The following SNTG1 variants were observed in gnomAD, a reference collection of about 807,000 sequenced individuals.
SNTG1 encodes gamma-1-syntrophin.
Under a neutral mutation model 74.7 loss-of-function variants are expected in SNTG1, and 39 were observed. That is an observed-to-expected ratio of 0.52 (90% CI 0.40 to 0.68). SNTG1 has a LOEUF of 0.68. SNTG1 is among the 30% of genes least tolerant of loss of function. SNTG1 has a pLI of 0.00. For missense variants in SNTG1, 685 were observed against 609.5 expected (o/e 1.12, Z -1.30); for synonymous variants, 254 against 217.1 (o/e 1.17, Z -1.49).
intron 10 of SNTG1, among the ~76,000 whole-genome samples, chr8:50,535,030 T>G (rs2094297566): frequency 6.6e-6 from 1 of 152,158 alleles, no homozygotes; most frequent in Admixed American, 6.6e-5. Context: ...ACATTTTACT[T>G]ACAGCTACCA....
intron 8 of SNTG1, among the ~76,000 whole-genome samples, chr8:50,459,358 T>C (rs778651286): frequency 6.6e-6 from 1 of 152,200 alleles, no homozygotes; most frequent in Non-Finnish European, 1.5e-5. Context: ...TGTATTAGAA[T>C]GGTTTTAGTT....
At chr8:50,069,675 T>G (rs1408450611) in intron 1 of SNTG1, among the ~76,000 whole-genome samples, 1 of 127,744 alleles carries the variant, frequency 7.8e-6, no homozygotes, top group East Asian at 2.8e-4. Context: ...TACCTTTTCC[T>G]TTTAAAACCC....
At chr8:50,646,305 A>G (rs1482960371) in intron 13 of SNTG1, among the ~76,000 whole-genome samples, 1 of 152,210 alleles carries the variant, frequency 6.6e-6, no homozygotes, top group Non-Finnish European at 1.5e-5. Flanking sequence ...GTTCATTAAA[A>G]TATTGAGAGG....
intron 1 of SNTG1, among the ~76,000 whole-genome samples, chr8:50,041,294 A>G (rs1389778600): frequency 6.6e-6 from 1 of 152,202 alleles, no homozygotes. Context: ...TTGCTGTTGG[A>G]GATGAATGGT....
rs535938867 is a variant in SNTG1 at position 50,503,940 on chromosome 8, T to C, written c.466+1060T>C. Among the ~76,000 whole-genome samples the C allele has an allele frequency of 7.2e-5, 11 of 152,270 alleles. 1 individual carries two copies. The South Asian group carries it at 2.1e-3, about 29-fold the overall frequency. On this transcript the variant is annotated intron_variant, in intron 9 of 18. Transcript: ENST00000642720. ...GGGGGTTCGTTGTACACAAACCAGT[T>C]ATTGAAATTAGTACCCATTAGTTAT...
intron 13 of SNTG1, among the ~76,000 whole-genome samples, chr8:50,597,258 G>C (rs1230783250): frequency 6.7e-6 from 1 of 149,452 alleles, no homozygotes; most frequent in African/African-American, 2.4e-5. Context: ...TCATTCCCTT[G>C]TATAGCTGCA....
In SNTG1 at chr8:50,368,516, A is replaced by G. The variant is rs562648463; in HGVS notation, c.-27-25696A>G. On this transcript the variant is annotated intron_variant, in intron 2 of 18. Coordinates refer to ENST00000642720, the MANE Select transcript of SNTG1 (RefSeq NM_018967.5). Reference sequence around the variant, plus strand: ...GTGCAACTGAATCACCCTTTGCTAAAGAGATAATGGGGGTGACCCATCAGC... The same window carrying G: ...GTGCAACTGAATCACCCTTTGCTAAGGAGATAATGGGGGTGACCCATCAGC... Among the ~76,000 whole-genome samples the G allele has an allele frequency of 2.6e-5, 4 of 152,302 alleles. No homozygotes were observed. The East Asian group carries it at 7.7e-4, about 29-fold the overall frequency.
rs551555990 is a variant in SNTG1 at position 50,278,510 on chromosome 8, T to A, written c.-28+105875T>A. 2.6e-5 allele frequency among the ~76,000 whole-genome samples: 4 copies of A among 152,290 alleles called. No homozygotes were observed. In the East Asian group the frequency reaches 7.7e-4, roughly 29 times the overall value. On this transcript the variant is annotated intron_variant, in intron 2 of 18. Coordinates refer to ENST00000642720, the MANE Select transcript of SNTG1 (RefSeq NM_018967.5). ...ATTGTGAATCATAAACAAGGACTCT[T>A]TATGACATACAAAACTTTGCATATG... is the stretch of plus-strand genomic sequence containing the variant.
intron 4 of SNTG1, among the ~76,000 whole-genome samples, chr8:50,428,014 G>A (rs947427029): frequency 3.9e-5 from 6 of 152,122 alleles, no homozygotes; most frequent in African/African-American, 1.2e-4. Context: ...ATCTAAATAA[G>A]TGTTAAGAAA....
chr8:50,490,514 A>C (rs2093841996), intron 8 of SNTG1, among the ~76,000 whole-genome samples: 1 of 152,026 alleles, frequency 6.6e-6, no homozygotes, highest in African/African-American at 2.4e-5. Context: ...TAGGTATTTT[A>C]TTCTCCTTGT....
At chr8:50,130,740 AAATT>A (rs1295218857) in intron 1 of SNTG1, among the ~76,000 whole-genome samples, 1 of 151,700 alleles carries the variant, frequency 6.6e-6, no homozygotes, top group African/African-American at 2.4e-5. Flanking sequence ...TGAGAATCAA[AAATT>A]AATACTGAGC....
At chr8:50,404,289 A>G (rs1390750642) in intron 4 of SNTG1, among the ~76,000 whole-genome samples, 1 of 152,158 alleles carries the variant, frequency 6.6e-6, no homozygotes, top group Non-Finnish European at 1.5e-5. Context: ...ATAAACAAAT[A>G]AATGGAGAAA....
intron 1 of SNTG1, among the ~76,000 whole-genome samples, chr8:50,122,079 C>T (rs1302338115): frequency 7.1e-6 from 1 of 140,704 alleles, no homozygotes; most frequent in East Asian, 2.0e-4. Context: ...ACCCTCGATG[C>T]CCCCTGCCTT....
At chr8:50,321,988 ATAATATTCTT>A (rs2090550753) in intron 2 of SNTG1, among the ~76,000 whole-genome samples, 1 of 152,136 alleles carries the variant, frequency 6.6e-6, no homozygotes, top group Non-Finnish European at 1.5e-5. Context: ...TTACAGTGTT[ATAATATTCTT>A]TATTTTCTGT....
intron 18 of SNTG1, among the ~76,000 whole-genome samples, chr8:50,764,197 T>C (rs1319778702): frequency 6.6e-6 from 1 of 151,828 alleles, no homozygotes; most frequent in Non-Finnish European, 1.5e-5. Flanking sequence ...ATGACTTTGG[T>C]CTGGGCAATG....
At chr8:50,494,741 T>C (rs2093888850) in intron 8 of SNTG1, among the ~76,000 whole-genome samples, 1 of 152,108 alleles carries the variant, frequency 6.6e-6, no homozygotes, top group Non-Finnish European at 1.5e-5. Flanking sequence ...CTCAGAATGA[T>C]ATGTCTCTTT....
intron 5 of SNTG1, among the ~76,000 whole-genome samples, chr8:50,438,822 T>C (rs541395483): frequency 6.6e-6 from 1 of 152,346 alleles, no homozygotes; most frequent in African/African-American, 2.4e-5. Context: ...TACCTTATGA[T>C]TGAATTTAAC....
At chr8:50,441,849 G>A (rs1282658052) in intron 5 of SNTG1, among the ~76,000 whole-genome samples, 1 of 152,100 alleles carries the variant, frequency 6.6e-6, no homozygotes, top group Non-Finnish European at 1.5e-5. Flanking sequence ...TTTAGGGTAG[G>A]AATTACTGAT....
chr8:50,563,158 T>G (rs2094497670), intron 12 of SNTG1, among the ~76,000 whole-genome samples: 1 of 152,094 alleles, frequency 6.6e-6, no homozygotes, highest in African/African-American at 2.4e-5. Context: ...AGAGTGTCTG[T>G]GAAGATGGGG....
Sources: gnomAD v4.1 joint callset for allele counts (sites outside exome capture counted in the v4.1 genomes callset) on GRCh38, gnomAD v4.1.1 for gene constraint, MANE v1.5 for transcripts, NCBI Gene and HGNC (gene_info 2026-07-23, HGNC 2026-07-21) for gene names.